The following LRIG1 variants were observed in gnomAD, a reference collection of about 807,000 sequenced individuals.
LRIG1 encodes leucine-rich repeats and immunoglobulin-like domains protein 1.
In LRIG1, 48 loss-of-function variants were observed where a neutral mutation model predicts 99.2. The observed-to-expected ratio is 0.48, with a 90% CI of 0.38 to 0.62. LRIG1 has a LOEUF of 0.62. Ranked by LOEUF, LRIG1 falls within the 20% of genes least tolerant of loss-of-function variation. The pLI is 0.00. For synonymous variants in LRIG1, 772 were observed against 596.1 expected (o/e 1.29, Z -4.30); for missense variants, 1,646 against 1,434.4 (o/e 1.15, Z -2.38).
intron 13 of LRIG1, 91 bp downstream of exon 13, chr3:66,385,886 CCTGT>C: frequency 8.8e-7 from 1 of 1,136,472 alleles, no homozygotes; most frequent in Non-Finnish European, 1.3e-6. Context: ...ATGTGTGTGT[CCTGT>C]CTCAGTCATC....
intron 3 of LRIG1, among the ~76,000 whole-genome samples, chr3:66,448,148 G>C (rs1326627933): frequency 6.6e-6 from 1 of 152,174 alleles, no homozygotes; most frequent in Non-Finnish European, 1.5e-5. Context: ...CCTTTAATCA[G>C]AAAGTATTAA....
At chr3:66,461,576 T>C (rs1700355009) in intron 2 of LRIG1, among the ~76,000 whole-genome samples, 1 of 152,222 alleles carries the variant, frequency 6.6e-6, no homozygotes, top group South Asian at 2.1e-4. Context: ...ATCCTAAAAT[T>C]ACATATGTAC....
At position 66,386,336 on chromosome 3, in the gene LRIG1, T is replaced by G. The variant is rs757073912; in HGVS notation, c.1469-35A>C. On this transcript the variant is annotated intron_variant, in intron 12 of 18. Transcript: ENST00000273261. Reference sequence around the variant, plus strand: ...GAAGGGTCAACTGTAAAGCGCTGGGTTCTTGGTACACAGAGGAACCAGCTG... The same window carrying G: ...GAAGGGTCAACTGTAAAGCGCTGGGGTCTTGGTACACAGAGGAACCAGCTG... The G allele has an allele frequency of 4.4e-6, 7 of 1,574,248 alleles. No homozygotes were observed. In the Admixed American group the frequency reaches 8.5e-5, roughly 19 times the overall value.
rs199754860 is a variant in LRIG1, at chr3:66,426,641, A to AT, written c.366-9376dup. ...ACCTCTTCAGAAAGTGAAATGGAACATAAGTCTCTCTACCACTGTTATGTT... is the reference window on the plus strand; with the variant it reads ...ACCTCTTCAGAAAGTGAAATGGAACATTAAGTCTCTCTACCACTGTTATGTT... On this transcript the variant is annotated intron_variant, in intron 3 of 18. Coordinates refer to ENST00000273261, the MANE Select transcript of LRIG1 (RefSeq NM_015541.3). 3.3e-4 allele frequency among the ~76,000 whole-genome samples: 50 copies of AT among 152,374 alleles called. No homozygotes were observed. In the East Asian group the frequency reaches 6.0e-3, roughly 18 times the overall value.
chr3:66,382,263 G>A lies in LRIG1; in HGVS notation c.2617+10C>T, dbSNP rs370005838. On this transcript the variant is annotated intron_variant, in intron 16 of 18. Transcript: ENST00000273261. ...AGCAGAGCTCTGCTTCACAGTTACT[G>A]AGGCCTTACCATTGCTCTCAATGTG... The A allele has an allele frequency of 1.3e-5, 21 of 1,613,914 alleles. No homozygotes were observed. The highest frequency in any genetic ancestry group is 1.6e-5 in the Non-Finnish European group (19 of 1,179,944).
chr3:66,389,595 A>G (rs913723277), intron 12 of LRIG1, among the ~76,000 whole-genome samples: 1 of 152,214 alleles, frequency 6.6e-6, no homozygotes, highest in African/African-American at 2.4e-5. Flanking sequence ...AATATTTTAT[A>G]ATGTAAAAGG....
At chr3:66,387,547 C>G (rs1701436114) in intron 12 of LRIG1, 3 of 152,102 alleles carry the variant, frequency 2.0e-5, no homozygotes, top group African/African-American at 7.2e-5. Flanking sequence ...ACTAGGCAAG[C>G]TGTAACAATA....
intron 1 of LRIG1, among the ~76,000 whole-genome samples, chr3:66,499,078 T>C (rs1392274344): frequency 1.3e-5 from 2 of 152,250 alleles, no homozygotes; most frequent in Admixed American, 6.5e-5. Flanking sequence ...CTATTTAAGC[T>C]AGGCCTTTTC....
At chr3:66,463,183 T>C (rs1041474776) in intron 1 of LRIG1, among the ~76,000 whole-genome samples, 4 of 152,214 alleles carry the variant, frequency 2.6e-5, no homozygotes, top group African/African-American at 9.6e-5. Flanking sequence ...AACCCTGGTC[T>C]ACACAAGAGC....
chr3:66,478,935 T>C (rs1178692683), intron 1 of LRIG1, among the ~76,000 whole-genome samples: 1 of 152,216 alleles, frequency 6.6e-6, no homozygotes, highest in East Asian at 1.9e-4. Flanking sequence ...TTCTGGTTTC[T>C]TGCTCTAAAG....
At chr3:66,389,701 G>C (rs754248243) in intron 12 of LRIG1, among the ~76,000 whole-genome samples, 13 of 152,118 alleles carry the variant, frequency 8.5e-5, no homozygotes, top group Non-Finnish European at 1.9e-4. Flanking sequence ...GGAAGAAATA[G>C]TGCAACAATA....
At chr3:66,458,853 T>C (rs1700289454) in intron 2 of LRIG1, among the ~76,000 whole-genome samples, 1 of 151,672 alleles carries the variant, frequency 6.6e-6, no homozygotes, top group African/African-American at 2.4e-5. Flanking sequence ...CTCATCTCTA[T>C]CTAAAATATA....
chr3:66,379,115 G>A lies in LRIG1; in HGVS notation c.*1148C>T, dbSNP rs188058550. Reference sequence around the variant, plus strand: ...TCAGCTTTTGGCCAAAGGAACATTTGAAGGACCTTGTTTCTATTTAAGTTT... The same window carrying A: ...TCAGCTTTTGGCCAAAGGAACATTTAAAGGACCTTGTTTCTATTTAAGTTT... On this transcript the variant is annotated 3_prime_UTR_variant, in exon 19 of 19. Transcript: ENST00000273261. 3.9e-5 allele frequency: 6 copies of A among 152,690 alleles called. No homozygotes were observed. The highest frequency in any genetic ancestry group is 3.3e-4 in the Admixed American group (5 of 15,294). 9.5% of individuals were successfully genotyped at this position (152,690 alleles called of 1,614,324 possible). A position where few individuals can be genotyped will look rare whatever the true frequency, so the allele number is the denominator to read the frequency against.
chr3:66,424,328 T>C (rs1702910176), intron 3 of LRIG1, among the ~76,000 whole-genome samples: 1 of 151,948 alleles, frequency 6.6e-6, no homozygotes, highest in Admixed American at 6.6e-5. Context: ...GGTAGCCTGC[T>C]GGTCTAAGAT....
intron 3 of LRIG1, among the ~76,000 whole-genome samples, chr3:66,419,310 T>C (rs1408206553): frequency 1.3e-5 from 2 of 152,114 alleles, no homozygotes; most frequent in Non-Finnish European, 2.9e-5. Context: ...CTTTTGCTCC[T>C]TGTCAGTCTT....
intron 12 of LRIG1, among the ~76,000 whole-genome samples, chr3:66,389,218 C>G (rs982930025): frequency 6.6e-6 from 1 of 151,830 alleles, no homozygotes; most frequent in African/African-American, 2.4e-5. Context: ...AAGAAAATAA[C>G]TAAAAAATAC....
intron 1 of LRIG1, among the ~76,000 whole-genome samples, chr3:66,463,316 G>T (rs996371479): frequency 2.6e-5 from 4 of 152,114 alleles, no homozygotes; most frequent in Non-Finnish European, 5.9e-5. Context: ...TGAATAAACC[G>T]GGAGGGACAG....
intron 9 of LRIG1, among the ~76,000 whole-genome samples, chr3:66,399,897 G>C (rs1701994327): frequency 6.6e-6 from 1 of 152,262 alleles, no homozygotes; most frequent in Non-Finnish European, 1.5e-5. Context: ...CTCCACAGCT[G>C]TCTGCACCTG....
intron 1 of LRIG1, among the ~76,000 whole-genome samples, chr3:66,496,266 T>C (rs2106938595): frequency 6.6e-6 from 1 of 152,362 alleles, no homozygotes; most frequent in South Asian, 2.1e-4. Context: ...AGAGGGACAT[T>C]GTGTGCCAAT....
Sources: gnomAD v4.1 joint callset for allele counts (sites outside exome capture counted in the v4.1 genomes callset) on GRCh38, gnomAD v4.1.1 for gene constraint, MANE v1.5 for transcripts, NCBI Gene and HGNC (gene_info 2026-07-23, HGNC 2026-07-21) for gene names.